The following SRP72 variants were observed in gnomAD, a reference collection of about 807,000 sequenced individuals.
SRP72 encodes signal recognition particle subunit SRP72.
Under a neutral mutation model 96.3 loss-of-function variants are expected in SRP72, and 49 were observed. The ratio of observed to expected loss-of-function variants is 0.51; its 90% confidence interval spans 0.40 to 0.65. The LOEUF is 0.65. Ranked by LOEUF, SRP72 falls within the 30% of genes least tolerant of loss-of-function variation. The pLI is 0.00. For missense variants in SRP72, 736 were observed against 793.3 expected, an observed-to-expected ratio of 0.93 and a Z score of 0.87; for synonymous variants, 267 against 275.2, an observed-to-expected ratio of 0.97 and a Z score of 0.30.
chr4:56,494,592 C>CG (rs1176276182), intron 16 of SRP72, among the ~76,000 whole-genome samples: 10 of 151,864 alleles, frequency 6.6e-5, no homozygotes, highest in Non-Finnish European at 8.8e-5. Context: ...TTAGTAGAGA[C>CG]GGGGTTTTAC....
chr4:56,481,060 G>A (rs6818446), intron 8 of SRP72, among the ~76,000 whole-genome samples: 6,806 of 152,216 alleles, frequency 0.045, 468 homozygotes, highest in African/African-American at 0.15. Context: ...GAAAAGTCTG[G>A]CAGTGACGTG....
intron 16 of SRP72, 49 bp from the exon 17 acceptor site, chr4:56,495,308 A>G (rs1439451413): frequency 3.7e-6 from 5 of 1,335,774 alleles, no homozygotes; most frequent in Non-Finnish European, 4.2e-6. Flanking sequence ...TTAATGCTCT[A>G]TAAATATTTT....
At chr4:56,491,626 A>G in intron 16 of SRP72, 58 bp downstream of exon 16, 3 of 1,508,714 alleles carry the variant, frequency 2.0e-6, no homozygotes, top group Non-Finnish European at 1.8e-6. Flanking sequence ...CAAGGAATAA[A>G]AAATACATTC....
intron 2 of SRP72, 89 bp downstream of exon 2, chr4:56,469,862 G>A: frequency 4.0e-6 from 5 of 1,250,014 alleles, no homozygotes; most frequent in Non-Finnish European, 5.3e-6. Flanking sequence ...ACTATTTGCT[G>A]ATTTTTTTTA....
intron 16 of SRP72, among the ~76,000 whole-genome samples, chr4:56,492,193 A>G (rs1455326504): frequency 6.6e-6 from 1 of 152,188 alleles, no homozygotes; most frequent in East Asian, 1.9e-4. Context: ...TGAGTTTTAG[A>G]GATCTTTCCA....
At chr4:56,486,118 T>A (rs1224012310) in intron 10 of SRP72, 1 of 442,846 alleles carries the variant, frequency 2.3e-6, no homozygotes, top group African/African-American at 2.0e-5. Flanking sequence ...AAAACTTGAC[T>A]TCATTGCACT....
At chr4:56,485,943 C>G (rs1307369333) in intron 10 of SRP72, among the ~76,000 whole-genome samples, 1 of 152,010 alleles carries the variant, frequency 6.6e-6, no homozygotes, top group Non-Finnish European at 1.5e-5. Context: ...TATAAGTAAC[C>G]TAGCAATGAT....
chr4:56,471,924 A>C, intron 3 of SRP72, 81 bp downstream of exon 3: 1 of 1,539,584 alleles, frequency 6.5e-7, no homozygotes, highest in Non-Finnish European at 8.8e-7. Context: ...GGTTGAGGAA[A>C]CCCAGCCCAT....
intron 17 of SRP72, among the ~76,000 whole-genome samples, chr4:56,499,331 T>C (rs1472612938): frequency 6.6e-6 from 1 of 152,204 alleles, no homozygotes; most frequent in Non-Finnish European, 1.5e-5. Context: ...AAGAACTTCA[T>C]GACTAAAACC....
rs1358805310 is a variant in SRP72, at chr4:56,491,396, G to A, written c.1503-35G>A. 4.4e-6 allele frequency: 7 copies of A among 1,605,406 alleles called. No individual in the cohort carries two copies. In the Admixed American group the frequency reaches 8.4e-5, roughly 19 times the overall value. ...TATCTATATAAATGTGTGTGTTTGT[G>A]TATATTATGTTCCTGAACTCCTGTT... On this transcript the variant is annotated intron_variant, in intron 15 of 18. Transcript: ENST00000642900.
rs1211988634 is a variant in SRP72, at chr4:56,501,948, A to T, written c.*87A>T. ...AAGGTAACACAGCAAGAAGCACAGA[A>T]CTACTCCCTCTTCATCTCCATATTT... On this transcript the variant is annotated 3_prime_UTR_variant, in exon 19 of 19. Coordinates refer to ENST00000642900, the MANE Select transcript of SRP72 (RefSeq NM_006947.4). 1 of 1,314,834 alleles carries T rather than the reference A, an allele frequency of 7.6e-7. No individual in the cohort carries two copies. Among genetic ancestry groups the T allele is most frequent in the African/African-American group, 1.5e-5 (1 of 68,036 alleles). 81.4% of individuals were successfully genotyped at this position (1,314,834 alleles called of 1,614,324 possible).
intron 17 of SRP72, 128 bp from the exon 18 acceptor site, chr4:56,500,408 C>T (rs1181542848): frequency 9.5e-7 from 1 of 1,058,044 alleles, no homozygotes; most frequent in Admixed American, 2.6e-5. Flanking sequence ...ATTATACAAA[C>T]TAAACTTTCT....
chr4:56,490,360 A>C lies in SRP72; in HGVS notation c.1348A>C (p.Ile450Leu). Residue 450 changes from isoleucine (I) to leucine (L), a missense_variant, in exon 14 of 19, where the codon ATA (isoleucine) becomes CTA (leucine). Transcript: ENST00000642900. Reference protein sequence around the residue: ...QPKSPAHLSLIREAANFKLKY... With the variant: ...QPKSPAHLSLLREAANFKLKY... ...AAAATCTCCTGCTCATTTGTCCTTG[A>C]TAAGAGAAGCTGCAAACTTCAAACT... The C allele has an allele frequency of 6.2e-7, 1 of 1,613,810 alleles. No homozygotes were observed. The highest frequency in any genetic ancestry group is 8.5e-7 in the Non-Finnish European group (1 of 1,179,902).
intron 1 of SRP72, 21 bp downstream of exon 1, chr4:56,467,765 T>C: frequency 1.7e-6 from 1 of 601,910 alleles, no homozygotes; most frequent in Non-Finnish European, 2.5e-6. Context: ...GGGTGGGCAC[T>C]GGGGCGGGCC....
intron 8 of SRP72, among the ~76,000 whole-genome samples, chr4:56,481,507 T>C (rs956334585): frequency 6.6e-6 from 1 of 152,102 alleles, no homozygotes; most frequent in African/African-American, 2.4e-5. Flanking sequence ...ATTTTAGAAA[T>C]TGAGCTTCTT....
chr4:56,500,736 G>T, intron 18 of SRP72, 41 bp downstream of exon 18: 1 of 1,563,220 alleles, frequency 6.4e-7, no homozygotes, highest in Admixed American at 1.9e-5. Flanking sequence ...TAGAACATAC[G>T]TTGTTTCTAG....
Position 56,478,423 on chromosome 4 carries a change from T to C in SRP72, c.687T>C (p.His229=), listed in dbSNP as rs1720335067. The C allele has an allele frequency of 6.2e-7, 1 of 1,613,142 alleles. No individual in the cohort carries two copies. Among genetic ancestry groups the C allele is most frequent in the Non-Finnish European group, 8.5e-7 (1 of 1,179,908 alleles). ...CACAGGCAGAACTGGCCATCATTCA[T>C]GGTCAGATGGCTTATATTCTGCAGC... ...EDPQAELAII[H]GQMAYILQLQ... Residue 229 remains histidine, a synonymous_variant, in exon 7 of 19, where the codon CAT becomes CAC. Transcript: ENST00000642900.
Position 56,502,950 on chromosome 4 carries a change from GAGAC to G in SRP72, c.*1095_*1098del, listed in dbSNP as rs1411316182. ...AACTACTTTCACATTGAACAGCTGT[GAGAC>G]AGACATATTGAGATGCCTGCCCTTG... is the stretch of plus-strand genomic sequence containing the variant. On this transcript the variant is annotated 3_prime_UTR_variant, in exon 19 of 19. Transcript: ENST00000642900. 1 of 152,112 alleles carries G rather than the reference GAGAC, an allele frequency of 6.6e-6. No homozygotes were observed. The highest frequency in any genetic ancestry group is 1.5e-5 in the Non-Finnish European group (1 of 68,012). 9.4% of individuals were successfully genotyped at this position (152,112 alleles called of 1,614,324 possible). A position where few individuals can be genotyped will look rare whatever the true frequency, so the allele number is the denominator to read the frequency against.
chr4:56,472,518 A>G (rs770833207), intron 3 of SRP72, among the ~76,000 whole-genome samples: 1 of 151,644 alleles, frequency 6.6e-6, no homozygotes, highest in Non-Finnish European at 1.5e-5. Flanking sequence ...GCTAATTTTT[A>G]TATTTTTTAG....
Sources: gnomAD v4.1 joint callset for allele counts (sites outside exome capture counted in the v4.1 genomes callset) on GRCh38, gnomAD v4.1.1 for gene constraint, MANE v1.5 for transcripts, NCBI Gene and HGNC (gene_info 2026-07-23, HGNC 2026-07-21) for gene names.